The following RHOT1 variants were observed in gnomAD, a reference collection of about 807,000 sequenced individuals.
RHOT1 encodes mitochondrial Rho GTPase 1.
Under a neutral mutation model 95.3 loss-of-function variants are expected in RHOT1, and 27 were observed. The observed-to-expected ratio is 0.28, with a 90% CI of 0.21 to 0.39. The LOEUF (loss-of-function observed/expected upper bound fraction) is 0.39, where lower values mean the gene tolerates loss of function less well. Among genes scored for constraint, RHOT1 ranks in the 10% least tolerant of loss-of-function variants. The pLI is 1.00. For missense variants in RHOT1, 578 were observed against 786.7 expected (o/e 0.73, Z 3.17); for synonymous variants, 227 against 263.5 (o/e 0.86, Z 1.34).
chr17:32,163,091 C>T (rs2033712798), intron 1 of RHOT1, among the ~76,000 whole-genome samples: 1 of 151,980 alleles, frequency 6.6e-6, no homozygotes, highest in South Asian at 2.1e-4. Context: ...ATTCAAAGGC[C>T]AGTAGAATGA....
chr17:32,166,382 T>A (rs1465739492), intron 1 of RHOT1, among the ~76,000 whole-genome samples: 1 of 152,128 alleles, frequency 6.6e-6, no homozygotes, highest in Non-Finnish European at 1.5e-5. Context: ...GGCTGCTGAC[T>A]GATTAGGGTG....
chr17:32,173,525 C>T (rs1055678076), intron 2 of RHOT1, among the ~76,000 whole-genome samples: 1 of 151,830 alleles, frequency 6.6e-6, no homozygotes, highest in African/African-American at 2.4e-5. Flanking sequence ...CTAGCGTGGC[C>T]AAGATGGTGA....
At chr17:32,176,335 C>T in intron 6 of RHOT1, 122 bp downstream of exon 6, 2 of 738,798 alleles carry the variant, frequency 2.7e-6, no homozygotes, top group African/African-American at 1.8e-5. Context: ...TAACGTTTTG[C>T]CACGTTTGCC....
At chr17:32,195,061 G>A (rs1484370389) in intron 11 of RHOT1, among the ~76,000 whole-genome samples, 6 of 151,378 alleles carry the variant, frequency 4.0e-5, no homozygotes, top group African/African-American at 1.5e-4. Flanking sequence ...TCCTGACCTC[G>A]TGATCCACCC....
At chr17:32,214,958 G>A (rs906914399) in intron 19 of RHOT1, among the ~76,000 whole-genome samples, 1 of 138,652 alleles carries the variant, frequency 7.2e-6, no homozygotes, top group Non-Finnish European at 1.5e-5. Context: ...CCAGGCGGGA[G>A]TGCAGTGGCA....
intron 1 of RHOT1, among the ~76,000 whole-genome samples, chr17:32,144,462 C>T (rs2030975111): frequency 6.6e-6 from 1 of 152,238 alleles, no homozygotes; most frequent in Non-Finnish European, 1.5e-5. Flanking sequence ...GCAGGAGAAT[C>T]ACTTGAACCC....
At position 32,182,838 on chromosome 17, in the gene RHOT1, G is replaced by A; in HGVS notation, c.411G>A (p.Gln137=). 6.3e-7 allele frequency: 1 copy of A among 1,594,028 alleles called. No individual in the cohort carries two copies. Among genetic ancestry groups the A allele is most frequent in the East Asian group, 2.2e-5 (1 of 44,680 alleles). Reference sequence around the variant, plus strand: ...AGACCATCCTTCCTATTATGAACCAGTATACAGAAATAGAAACCTGTGTGG... The same window carrying A: ...AGACCATCCTTCCTATTATGAACCAATATACAGAAATAGAAACCTGTGTGG... ...SMETILPIMN[Q]YTEIETCVEC... is the part of the protein sequence containing the mutation. The change falls in exon 7 of 20, where the codon CAG becomes CAA. Residue 137 remains glutamine, a synonymous_variant. Coordinates refer to ENST00000545287, the MANE Select transcript of RHOT1 (RefSeq NM_001033566.3).
chr17:32,175,721 T>G (rs1156748659), intron 4 of RHOT1, among the ~76,000 whole-genome samples: 3 of 152,210 alleles, frequency 2.0e-5, no homozygotes, highest in African/African-American at 2.4e-5. Context: ...TTTCATTCTC[T>G]TAATTACCAA....
At chr17:32,196,440 C>A (rs758591431) in intron 11 of RHOT1, among the ~76,000 whole-genome samples, 2 of 152,098 alleles carry the variant, frequency 1.3e-5, no homozygotes, top group East Asian at 1.9e-4. Flanking sequence ...AATCCTCCCG[C>A]GTTGACCTCC....
At chr17:32,190,138 C>G (rs2036375964) in intron 8 of RHOT1, among the ~76,000 whole-genome samples, 1 of 152,016 alleles carries the variant, frequency 6.6e-6, no homozygotes, top group Non-Finnish European at 1.5e-5. Flanking sequence ...AGCTCTTTAG[C>G]TTTGCATTTC....
intron 3 of RHOT1, 81 bp downstream of exon 3, chr17:32,173,993 T>C (rs1598351279): frequency 7.1e-6 from 7 of 986,778 alleles, no homozygotes. Context: ...CTTTTACAAA[T>C]GTTCAGAGAG....
intron 6 of RHOT1, among the ~76,000 whole-genome samples, chr17:32,178,509 C>T (rs1036852306): frequency 3.9e-5 from 6 of 152,006 alleles, no homozygotes; most frequent in Admixed American, 2.0e-4. Context: ...TTGCCCAGGC[C>T]GGAGTGCAGT....
chr17:32,167,301 G>A (rs2034173023), intron 1 of RHOT1, among the ~76,000 whole-genome samples: 1 of 151,692 alleles, frequency 6.6e-6, no homozygotes, highest in Admixed American at 6.6e-5. Context: ...TCCATTTATA[G>A]AGCACAGGCA....
chr17:32,194,986 C>T (rs978281232), intron 11 of RHOT1, among the ~76,000 whole-genome samples: 9 of 151,850 alleles, frequency 5.9e-5, no homozygotes, highest in South Asian at 4.2e-4. Context: ...CCACCATGCC[C>T]GGCTAATTTT....
chr17:32,180,441 CAGATGCTTGAAGGCAGCATGCTCGTTA>C (rs1433592793), intron 6 of RHOT1, among the ~76,000 whole-genome samples: 1 of 151,874 alleles, frequency 6.6e-6, no homozygotes, highest in East Asian at 1.9e-4. Flanking sequence ...CTTTGTTAAA[CAGATGCTTGAAGGCAGCATGCTCGTTA>C]AGAGTCATCA....
chr17:32,166,951 T>G (rs1376350129), intron 1 of RHOT1, among the ~76,000 whole-genome samples: 1 of 152,110 alleles, frequency 6.6e-6, no homozygotes, highest in Non-Finnish European at 1.5e-5. Context: ...TTCCAGAAGG[T>G]TTTTAGTTTA....
intron 16 of RHOT1, among the ~76,000 whole-genome samples, chr17:32,204,532 C>A: frequency 7.4e-6 from 1 of 135,012 alleles, no homozygotes. Context: ...AAGAGCGAAA[C>A]TCCATCTCCA....
chr17:32,173,624 A>C (rs113122127), intron 2 of RHOT1, among the ~76,000 whole-genome samples: 144 of 151,902 alleles, frequency 9.5e-4, no homozygotes, highest in African/African-American at 3.0e-3. Context: ...GAGGCAGGAG[A>C]ATCACTTGAA....
Position 32,183,369 on chromosome 17 carries a change from A to G in RHOT1, c.540+97A>G, listed in dbSNP as rs531727608. The G allele has an allele frequency of 9.5e-5, 57 of 600,028 alleles. No individual in the cohort carries two copies. In the South Asian group the frequency reaches 1.9e-3, roughly 20 times the overall value. 37.2% of individuals were successfully genotyped at this position (600,028 alleles called of 1,614,324 possible). Reference sequence around the variant, plus strand: ...TCTTAAGTATTTGTGTAGAGATTAAACTGCTGAAATTTAAATTTATTGCTT... The same window carrying G: ...TCTTAAGTATTTGTGTAGAGATTAAGCTGCTGAAATTTAAATTTATTGCTT... On this transcript the variant is annotated intron_variant, in intron 8 of 19. Coordinates refer to ENST00000545287, the MANE Select transcript of RHOT1 (RefSeq NM_001033566.3).
Sources: allele counts gnomAD v4.1 joint callset (sites outside exome capture counted in the v4.1 genomes callset), GRCh38; gene constraint gnomAD v4.1.1; transcripts MANE v1.5; gene names NCBI Gene and HGNC (gene_info 2026-07-23, HGNC 2026-07-21).